The following NPAS3 variants were observed in gnomAD, a reference collection of about 807,000 sequenced individuals.
NPAS3 encodes the protein neuronal PAS domain-containing protein 3.
In NPAS3, 14 loss-of-function variants were observed where a neutral mutation model predicts 73.1. The observed-to-expected ratio is 0.19, with a 90% CI of 0.13 to 0.30. The LOEUF is 0.30. Among genes scored for constraint, NPAS3 ranks in the 10% least tolerant of loss-of-function variants. The probability of loss-of-function intolerance (pLI) is 1.00; values close to 1 mark genes in which losing one functional copy is unlikely to be tolerated. For missense variants in NPAS3, 1,096 were observed against 1,250.0 expected (o/e 0.88, Z 1.86); for synonymous variants, 620 against 541.5 (o/e 1.14, Z -2.01).
At chr14:33,410,339 G>A (rs1053914516) in intron 4 of NPAS3, among the ~76,000 whole-genome samples, 3 of 152,102 alleles carry the variant, frequency 2.0e-5, no homozygotes, top group Non-Finnish European at 4.4e-5. Context: ...CTGTTCATCT[G>A]TTCTTTCCAT....
At chr14:33,730,017 C>CTA (rs1380572283) in intron 6 of NPAS3, among the ~76,000 whole-genome samples, 3 of 151,980 alleles carry the variant, frequency 2.0e-5, no homozygotes, top group Non-Finnish European at 2.9e-5. Flanking sequence ...ATGTTAGTTA[C>CTA]TATATATATA....
At chr14:32,995,899 T>G (rs2038550676) in intron 1 of NPAS3, among the ~76,000 whole-genome samples, 1 of 152,194 alleles carries the variant, frequency 6.6e-6, no homozygotes, top group Admixed American at 6.5e-5. Context: ...AAAAGATACC[T>G]GAAATTGTGG....
chr14:33,355,860 A>G (rs2045315705), intron 3 of NPAS3, among the ~76,000 whole-genome samples: 1 of 151,248 alleles, frequency 6.6e-6, no homozygotes, highest in Admixed American at 6.6e-5. Flanking sequence ...TCCCCTTTTA[A>G]AAATGTTCTT....
Position 32,939,382 on chromosome 14 carries a change from T to C in NPAS3, c.50+16T>C. The C allele has an allele frequency of 1.5e-6, 1 of 656,880 alleles. No individual in the cohort carries two copies. The allele number at this position is 656,880 out of a possible 1,614,324, so 40.7% of individuals were successfully genotyped here. ...GGCGAGAACGGTAACACTTTTCTGT[T>C]TATTGAACCTGCCGCCGGGCCGCTG... On this transcript the variant is annotated intron_variant, in intron 1 of 11. Coordinates refer to ENST00000356141, the Ensembl canonical transcript of NPAS3.
intron 5 of NPAS3, among the ~76,000 whole-genome samples, chr14:33,648,712 T>C (rs2058905356): frequency 6.6e-6 from 1 of 152,156 alleles, no homozygotes; most frequent in African/African-American, 2.4e-5. Context: ...TGTCCTCACA[T>C]CTCTCCCCTG....
chr14:33,425,326 T>TA (rs1293017811), intron 4 of NPAS3, among the ~76,000 whole-genome samples: 1 of 151,996 alleles, frequency 6.6e-6, no homozygotes, highest in African/African-American at 2.4e-5. Context: ...TAGAGGAAGA[T>TA]ATGGAGTTGA....
At chr14:33,789,100 T>C (rs1255439116) in intron 9 of NPAS3, among the ~76,000 whole-genome samples, 1 of 152,096 alleles carries the variant, frequency 6.6e-6, no homozygotes, top group African/African-American at 2.4e-5. Context: ...CAGTTAGAGG[T>C]ACGTGGTATT....
chr14:33,148,598 A>G (rs2044330545), intron 2 of NPAS3, among the ~76,000 whole-genome samples: 1 of 152,214 alleles, frequency 6.6e-6, no homozygotes, highest in South Asian at 2.1e-4. Context: ...ATATGTTTTT[A>G]AAATTAAGCT....
At chr14:33,782,504 T>C (rs1010153810) in intron 9 of NPAS3, among the ~76,000 whole-genome samples, 1 of 152,162 alleles carries the variant, frequency 6.6e-6, no homozygotes, top group African/African-American at 2.4e-5. Flanking sequence ...TGTCTCGAGA[T>C]ATCCCTAGGG....
chr14:33,367,253 A>C lies in NPAS3; in HGVS notation c.453A>C (p.Gly151=), dbSNP rs766068619. ...TTGAAGTATTTGAAGCACATTTGGGAAGCCACATTTTGCAGGTACCTTTAA... is the reference window on the plus strand; with the variant it reads ...TTGAAGTATTTGAAGCACATTTGGGCAGCCACATTTTGCAGGTACCTTTAA... Residue 151 remains glycine (G), a synonymous_variant, in exon 4 of 12, where the codon GGA becomes GGC. Coordinates refer to ENST00000356141, the Ensembl canonical transcript of NPAS3. 3.5e-6 allele frequency: 3 copies of C among 866,266 alleles called. No individual in the cohort carries two copies. In the African/African-American group the frequency reaches 4.9e-5, roughly 14 times the overall value. The allele number at this position is 866,266 out of a possible 1,614,324, so 53.7% of individuals were successfully genotyped here.
At chr14:33,459,366 G>T (rs1212580905) in intron 4 of NPAS3, among the ~76,000 whole-genome samples, 1 of 152,170 alleles carries the variant, frequency 6.6e-6, no homozygotes, top group Non-Finnish European at 1.5e-5. Context: ...ATGTAACAAT[G>T]GGATAAGAAA....
chr14:32,942,124 G>A (rs1379768347), intron 1 of NPAS3, among the ~76,000 whole-genome samples: 2 of 152,108 alleles, frequency 1.3e-5, no homozygotes, highest in African/African-American at 4.8e-5. Flanking sequence ...TATAAAAGAT[G>A]ACTTTCTGTG....
intron 2 of NPAS3, among the ~76,000 whole-genome samples, chr14:33,084,750 G>T (rs1168241012): frequency 2.0e-5 from 3 of 152,066 alleles, no homozygotes; most frequent in African/African-American, 7.2e-5. Context: ...TGGTCTTGTG[G>T]CCGTGAAATT....
chr14:33,204,149 G>A (rs2139607506), intron 2 of NPAS3, among the ~76,000 whole-genome samples: 1 of 152,248 alleles, frequency 6.6e-6, no homozygotes, highest in Admixed American at 6.5e-5. Context: ...GTAGGGTCCA[G>A]GGAAGACTTA....
At chr14:33,299,159 G>T (rs974948620) in intron 3 of NPAS3, among the ~76,000 whole-genome samples, 1 of 152,192 alleles carries the variant, frequency 6.6e-6, no homozygotes, top group East Asian at 1.9e-4. Context: ...AAGTGAATAT[G>T]TAACTTTGGC....
At chr14:33,764,641 G>A (rs1435765529) in intron 7 of NPAS3, among the ~76,000 whole-genome samples, 1 of 152,050 alleles carries the variant, frequency 6.6e-6, no homozygotes, top group Non-Finnish European at 1.5e-5. Flanking sequence ...GTGTAATATT[G>A]AGAAGAACTG....
intron 3 of NPAS3, among the ~76,000 whole-genome samples, chr14:33,332,468 A>G (rs1594712616): frequency 6.6e-6 from 1 of 152,324 alleles, no homozygotes; most frequent in Non-Finnish European, 1.5e-5. Context: ...TTAGGGGAAG[A>G]AAGGCAAATA....
rs1444367913 is a variant in NPAS3, at chr14:33,800,833, C to T, written c.2526C>T (p.Ser842=). ...CCGAGGTGACCCTGGCCATGCAGAG[C>T]AACCTGCTGCCCAACGCGCACGCTG... The change falls in exon 12 of 12, where the codon AGC becomes AGT. Residue 842 remains serine (S), a synonymous_variant. Coordinates refer to ENST00000356141, the Ensembl canonical transcript of NPAS3. The surrounding 1 kb of genome is among the most constrained non-coding windows in gnomAD (Gnocchi z 6.5). 9.4e-6 allele frequency: 15 copies of T among 1,603,260 alleles called. No individual in the cohort carries two copies. Among genetic ancestry groups the T allele is most frequent in the African/African-American group, 9.4e-5 (7 of 74,832 alleles).
At chr14:33,535,841 A>G (rs2054236643) in intron 4 of NPAS3, among the ~76,000 whole-genome samples, 5 of 152,212 alleles carry the variant, frequency 3.3e-5, no homozygotes, top group Non-Finnish European at 7.4e-5. Flanking sequence ...CTGCTTGTGC[A>G]GACATACAGT....
Sources: gnomAD v4.1 joint callset for allele counts (sites outside exome capture counted in the v4.1 genomes callset) on GRCh38, gnomAD v4.1.1 for gene constraint, Gnocchi (gnomAD v3.1) non-coding constraint, MANE v1.5 for transcripts, NCBI Gene and HGNC (gene_info 2026-07-23, HGNC 2026-07-21) for gene names.